KDM3B: variants seen among roughly 807,000 people sequenced by gnomAD.
KDM3B encodes lysine-specific demethylase 3B.
Under a neutral mutation model 170.0 loss-of-function variants are expected in KDM3B, and 10 were observed. The ratio of observed to expected loss-of-function variants is 0.06; its 90% CI spans 0.04 to 0.10. KDM3B has a LOEUF of 0.10. Ranked by LOEUF, KDM3B falls within the 10% of genes least tolerant of loss-of-function variation. The pLI is 1.00. For synonymous variants in KDM3B, 831 were observed against 834.8 expected, an observed-to-expected ratio of 1.00 and a Z score of 0.08; for missense variants, 1,394 against 2,195.2, an observed-to-expected ratio of 0.64 and a Z score of 7.29.
intron 11 of KDM3B, among the ~76,000 whole-genome samples, chr5:138,409,995 G>A (rs1762919783): frequency 2.0e-5 from 3 of 152,152 alleles, no homozygotes; most frequent in African/African-American, 4.8e-5. Flanking sequence ...GCTGAGGCAG[G>A]AGAATTGCTT....
At chr5:138,428,835 C>T (rs1214355179) in intron 20 of KDM3B, among the ~76,000 whole-genome samples, 1 of 151,346 alleles carries the variant, frequency 6.6e-6, no homozygotes, top group African/African-American at 2.4e-5. Context: ...TTCCTGCCAT[C>T]TCAGTGTTAA....
intron 23 of KDM3B, among the ~76,000 whole-genome samples, chr5:138,432,870 G>T (rs916121709): frequency 6.6e-6 from 1 of 151,204 alleles, no homozygotes; most frequent in Non-Finnish European, 1.5e-5. Context: ...TCAGCCTCCC[G>T]AGTAGCTGGG....
At chr5:138,388,990 A>G (rs1367065673) in intron 7 of KDM3B, among the ~76,000 whole-genome samples, 2 of 152,264 alleles carry the variant, frequency 1.3e-5, no homozygotes, top group Non-Finnish European at 2.9e-5. Flanking sequence ...ATGAAAGACT[A>G]TCCAAATTAT....
chr5:138,388,476 C>CA (rs1266197657), intron 7 of KDM3B, among the ~76,000 whole-genome samples: 1 of 151,640 alleles, frequency 6.6e-6, no homozygotes, highest in African/African-American at 2.4e-5. Flanking sequence ...ACTAAAAATA[C>CA]AAAAAATTAG....
At chr5:138,424,010 A>T (rs1213215778) in intron 15 of KDM3B, 65 bp from the exon 16 acceptor site, 6 of 1,464,306 alleles carry the variant, frequency 4.1e-6, no homozygotes, top group Non-Finnish European at 5.5e-6. Context: ...ATTGTGAGAC[A>T]GTTTTTTGAA....
intron 11 of KDM3B, among the ~76,000 whole-genome samples, chr5:138,410,533 A>G (rs1762934901): frequency 6.6e-6 from 1 of 152,170 alleles, no homozygotes; most frequent in Admixed American, 6.5e-5. Flanking sequence ...CCACAGGGTC[A>G]GTGGGTCTCT....
intron 11 of KDM3B, among the ~76,000 whole-genome samples, chr5:138,409,194 TAAA>T (rs1000177127): frequency 2.0e-5 from 3 of 151,418 alleles, no homozygotes; most frequent in African/African-American, 4.9e-5. Flanking sequence ...TATGAAGAAA[TAAA>T]AGGGAAAAAG....
chr5:138,360,882 A>G (rs1461959270), intron 1 of KDM3B, among the ~76,000 whole-genome samples: 3 of 152,000 alleles, frequency 2.0e-5, no homozygotes, highest in African/African-American at 7.2e-5. Flanking sequence ...GTGAGCCACC[A>G]CGCCCGGCCA....
chr5:138,362,229 A>G (rs528384559), intron 1 of KDM3B, among the ~76,000 whole-genome samples: 2 of 152,024 alleles, frequency 1.3e-5, no homozygotes, highest in African/African-American at 4.8e-5. Context: ...AGGCACAAGA[A>G]TGGCTTGAAC....
intron 7 of KDM3B, among the ~76,000 whole-genome samples, chr5:138,388,348 G>A (rs1762335466): frequency 6.6e-6 from 1 of 152,036 alleles, no homozygotes; most frequent in Non-Finnish European, 1.5e-5. Flanking sequence ...GTATAGAAAT[G>A]AGCCAGGCAT....
intron 1 of KDM3B, among the ~76,000 whole-genome samples, chr5:138,365,257 T>G (rs1243904475): frequency 6.6e-6 from 1 of 152,136 alleles, no homozygotes; most frequent in Non-Finnish European, 1.5e-5. Context: ...AGGATTCTTT[T>G]TTTTCTTTCT....
Position 138,420,887 on chromosome 5 carries a change from C to G in KDM3B, c.3897C>G (p.Ser1299=), listed in dbSNP as rs759554146. Residue 1299 remains serine, a synonymous_variant, in exon 15 of 24, where the codon TCC becomes TCG. Transcript: ENST00000314358. ...CTAGCCTTCGAGACCTCCTTCACTC[C>G]GGGCCGGGAAAACTTCCTCAAACCC... ...EGSSLRDLLH[S]GPGKLPQTPL... is the part of the protein sequence containing the mutation. The G allele has an allele frequency of 6.2e-7, 1 of 1,614,094 alleles. No homozygotes were observed. Among genetic ancestry groups the G allele is most frequent in the East Asian group, 2.2e-5 (1 of 44,884 alleles).
intron 15 of KDM3B, among the ~76,000 whole-genome samples, chr5:138,421,954 C>T (rs1323522842): frequency 6.6e-6 from 1 of 152,196 alleles, no homozygotes; most frequent in East Asian, 1.9e-4. Flanking sequence ...CACCTTCTTG[C>T]TGTTCTTTGA....
intron 8 of KDM3B, among the ~76,000 whole-genome samples, chr5:138,392,659 G>A (rs1216990904): frequency 1.3e-5 from 2 of 152,232 alleles, no homozygotes; most frequent in East Asian, 3.8e-4. Context: ...TAGACTTGAT[G>A]AAGCAGAGAG....
chr5:138,420,952 C>T lies in KDM3B; in HGVS notation c.3962C>T (p.Thr1321Ile). 1.9e-6 allele frequency: 3 copies of T among 1,613,992 alleles called. No individual in the cohort carries two copies. The change falls in exon 15 of 24, where the codon ACA becomes ATA. Residue 1321 changes from threonine (T) to isoleucine (I), a missense_variant. Physicochemically the swap from Thr to Ile is moderately conservative, Grantham distance 89. Coordinates refer to ENST00000314358, the MANE Select transcript of KDM3B (RefSeq NM_016604.4). ...ATACCCTTTCCCCCGGTCTTCTCTA[C>T]ATCCTCAGCAGTAAGTGTCCTCTGC... ...TGIPFPPVFS[T>I]SSAGVKSKAS...
rs554791563 is a variant in KDM3B at position 138,420,631 on chromosome 5, C to T, written c.3716-75C>T. ...AGAATCTTTCCTCCTTCCCATGTGA[C>T]TGATTTTTAGGAGTCAGTTGTGTGC... On this transcript the variant is annotated intron_variant, in intron 14 of 23. Transcript: ENST00000314358. 4.0e-6 allele frequency: 6 copies of T among 1,506,644 alleles called. No homozygotes were observed. The African/African-American group carries it at 5.5e-5, about 14-fold the overall frequency. 93.3% of individuals were successfully genotyped at this position (1,506,644 alleles called of 1,614,324 possible).
At chr5:138,382,186 G>T (rs879425749) in intron 6 of KDM3B, among the ~76,000 whole-genome samples, 10 of 152,050 alleles carry the variant, frequency 6.6e-5, no homozygotes, top group Admixed American at 2.0e-4. Context: ...AGTGGCTCAC[G>T]CCTGTAATCC....
rs150418257 is a variant in KDM3B at position 138,415,135 on chromosome 5, C to G, written c.3203C>G (p.Thr1068Arg). Residue 1068 changes from threonine (T) to arginine (R), a missense_variant, in exon 12 of 24, where the codon ACA becomes AGA. By Grantham distance (71) the Thr-to-Arg change is moderately conservative. Around this residue, in one of 19 missense-constraint regions of KDM3B, gnomAD observed 44 missense variants for 71.1 expected, o/e 0.62. Coordinates refer to ENST00000314358, the MANE Select transcript of KDM3B (RefSeq NM_016604.4). ...RLRKSRPRSE[T>R]EEMGDEEVFS... ...AGTGAAATCATTTCTATTTCAGAGA[C>G]AGAAGAGATGGGTGATGAAGAAGTT... The G allele has an allele frequency of 1.4e-5, 22 of 1,587,202 alleles. No individual in the cohort carries two copies. Among genetic ancestry groups the G allele is most frequent in the African/African-American group, 2.7e-5 (2 of 74,428 alleles).
intron 1 of KDM3B, among the ~76,000 whole-genome samples, chr5:138,361,096 G>T (rs1234164825): frequency 1.3e-5 from 2 of 152,154 alleles, no homozygotes; most frequent in Non-Finnish European, 2.9e-5. Context: ...CAACAGCTGG[G>T]GTGGGTTCTA....
Sources: gnomAD v4.1 joint callset for allele counts (sites outside exome capture counted in the v4.1 genomes callset) on GRCh38, gnomAD v4.1.1 for gene constraint, gnomAD v4.1.1 regional missense constraint, MANE v1.5 for transcripts, NCBI Gene and HGNC (gene_info 2026-07-23, HGNC 2026-07-21) for gene names.